The following DLG2 variants were observed in gnomAD, a reference collection of about 807,000 sequenced individuals.
DLG2 encodes the protein discs large MAGUK scaffold protein 2, also known as disks large homolog 2.
In DLG2, 45 loss-of-function variants were observed where a neutral mutation model predicts 132.5. The observed-to-expected ratio is 0.34, with a 90% CI of 0.27 to 0.44. The LOEUF (loss-of-function observed/expected upper bound fraction) is 0.44. Ranked by LOEUF, DLG2 falls within the 20% of genes least tolerant of loss-of-function variation. The probability of loss-of-function intolerance (pLI) is 1.00; values close to 1 mark genes in which losing one functional copy is unlikely to be tolerated. For synonymous variants in DLG2, 424 were observed against 419.6 expected (o/e 1.01, Z -0.13); for missense variants, 1,045 against 1,196.9 (o/e 0.87, Z 1.87).
intron 6 of DLG2, among the ~76,000 whole-genome samples, chr11:84,954,708 G>A (rs2154104957): frequency 6.6e-6 from 1 of 152,214 alleles, no homozygotes; most frequent in South Asian, 2.1e-4. Context: ...ATTTTCTCAG[G>A]TATTGTCTAG....
chr11:84,162,020 C>T (rs1002232597), intron 9 of DLG2, among the ~76,000 whole-genome samples: 12 of 151,994 alleles, frequency 7.9e-5, no homozygotes, highest in Non-Finnish European at 1.5e-4. Flanking sequence ...AAAAATCAGC[C>T]TGAAGATGAG....
rs1200502875 is a variant in DLG2, at chr11:83,689,904, T to A, written c.1826-56579A>T. On this transcript the variant is annotated intron_variant, in intron 18 of 27. Coordinates refer to ENST00000376104, the MANE Select transcript of DLG2 (RefSeq NM_001142699.3). ...ATAATTGATATTTACATAAATATAT[T>A]TATGTAAATATTATATATTTACATA... 5.2e-3 allele frequency among the ~76,000 whole-genome samples: 753 copies of A among 145,186 alleles called. 3 individuals are homozygous for A. Among genetic ancestry groups the A allele is most frequent in the African/African-American group, 0.018 (712 of 39,596 alleles).
At chr11:83,514,929 T>C (rs571507231) in intron 21 of DLG2, among the ~76,000 whole-genome samples, 8 of 152,164 alleles carry the variant, frequency 5.3e-5, no homozygotes, top group East Asian at 1.9e-4. Flanking sequence ...TTCGGTTTGC[T>C]AGTATTTTAT....
At chr11:84,155,642 T>G (rs143066270) in intron 9 of DLG2, among the ~76,000 whole-genome samples, 1 of 152,070 alleles carries the variant, frequency 6.6e-6, no homozygotes, top group African/African-American at 2.4e-5. Flanking sequence ...CCCACTGTTT[T>G]TATAAGCTTA....
chr11:83,977,708 C>T (rs180670915), intron 12 of DLG2, among the ~76,000 whole-genome samples: 1 of 152,192 alleles, frequency 6.6e-6, no homozygotes, highest in African/African-American at 2.4e-5. Context: ...GACTACTGTG[C>T]TTTTGCACAA....
At chr11:85,068,949 C>T (rs4472958) in intron 6 of DLG2, among the ~76,000 whole-genome samples, 35,942 of 151,982 alleles carry the variant, frequency 0.24, 4,513 homozygotes, top group Middle Eastern at 0.3. Flanking sequence ...GGTACCAAAA[C>T]AGAGATACAG....
intron 14 of DLG2, among the ~76,000 whole-genome samples, chr11:83,946,763 TA>T (rs144829278): frequency 0.018 from 2,717 of 152,308 alleles, 88 homozygotes; most frequent in African/African-American, 0.061. Context: ...ACATAATTTT[TA>T]AAAAATTTTT....
intron 21 of DLG2, among the ~76,000 whole-genome samples, chr11:83,517,937 G>C: frequency 6.6e-6 from 1 of 152,174 alleles, no homozygotes; most frequent in Non-Finnish European, 1.5e-5. Flanking sequence ...CCTTACTGGG[G>C]GGTGACTCCC....
chr11:85,014,116 G>A (rs1343821999), intron 6 of DLG2, among the ~76,000 whole-genome samples: 2 of 152,182 alleles, frequency 1.3e-5, no homozygotes, highest in East Asian at 3.8e-4. Flanking sequence ...GACTGGTACT[G>A]TAAATTATAA....
intron 6 of DLG2, among the ~76,000 whole-genome samples, chr11:84,725,811 G>A (rs1442431499): frequency 5.9e-5 from 9 of 151,576 alleles, no homozygotes; most frequent in African/African-American, 1.9e-4. Context: ...TAGCCACTCA[G>A]TAAATTATAA....
intron 6 of DLG2, among the ~76,000 whole-genome samples, chr11:85,043,351 T>C (rs1329302236): frequency 6.6e-6 from 1 of 151,854 alleles, no homozygotes; most frequent in East Asian, 1.9e-4. Context: ...GTACCTAACA[T>C]AATGCTGCAC....
At chr11:84,969,506 TA>T (rs1431955334) in intron 6 of DLG2, among the ~76,000 whole-genome samples, 1 of 152,198 alleles carries the variant, frequency 6.6e-6, no homozygotes, top group East Asian at 1.9e-4. Flanking sequence ...CCATCAATGA[TA>T]AAAGCTTCCA....
At chr11:84,603,590 C>T (rs1352154847) in intron 6 of DLG2, among the ~76,000 whole-genome samples, 1 of 151,944 alleles carries the variant, frequency 6.6e-6, no homozygotes, top group Non-Finnish European at 1.5e-5. Context: ...AAACTAGTCA[C>T]TCATCCTCTT....
At chr11:84,533,266 G>C (rs1280792644) in intron 7 of DLG2, among the ~76,000 whole-genome samples, 1 of 152,122 alleles carries the variant, frequency 6.6e-6, no homozygotes, top group Non-Finnish European at 1.5e-5. Flanking sequence ...GCATGACATC[G>C]ATGTCGTGTT....
chr11:84,430,808 G>T (rs181846144), intron 7 of DLG2, among the ~76,000 whole-genome samples: 38 of 152,310 alleles, frequency 2.5e-4, no homozygotes, highest in African/African-American at 8.2e-4. Context: ...AGGTGACAGA[G>T]GAGAACTGCA....
intron 8 of DLG2, among the ~76,000 whole-genome samples, chr11:84,232,587 GT>G (rs1455489264): frequency 1.3e-5 from 2 of 152,110 alleles, no homozygotes. Context: ...TGGGATTAGA[GT>G]TCTTAGAAGA....
chr11:85,249,471 G>A (rs1387539745), intron 4 of DLG2, among the ~76,000 whole-genome samples: 1 of 151,870 alleles, frequency 6.6e-6, no homozygotes, highest in Non-Finnish European at 1.5e-5. Flanking sequence ...TGTCTTATAA[G>A]ATGAATGCCC....
chr11:84,589,475 C>A (rs2099537756), intron 6 of DLG2, among the ~76,000 whole-genome samples: 1 of 151,984 alleles, frequency 6.6e-6, no homozygotes, highest in Non-Finnish European at 1.5e-5. Flanking sequence ...GAAAAATGCT[C>A]ACAACTTTTC....
chr11:84,165,250 C>T (rs1027647879), intron 8 of DLG2, among the ~76,000 whole-genome samples: 1 of 152,078 alleles, frequency 6.6e-6, no homozygotes, highest in African/African-American at 2.4e-5. Flanking sequence ...GAGAGAAAAA[C>T]ACGCCTCTAA....
Sources: gnomAD v4.1 joint callset for allele counts (sites outside exome capture counted in the v4.1 genomes callset) on GRCh38, gnomAD v4.1.1 for gene constraint, MANE v1.5 for transcripts, NCBI Gene and HGNC (gene_info 2026-07-23, HGNC 2026-07-21) for gene names.